Variants in SNX29 observed in about 807,000 individuals in gnomAD.
SNX29 encodes sorting nexin-29.
A neutral mutation model predicts 102.1 loss-of-function variants in SNX29; 78 were observed. The observed-to-expected ratio is 0.76, with a 90% CI of 0.64 to 0.92. The LOEUF (loss-of-function observed/expected upper bound fraction) is 0.92. Ranked by LOEUF, SNX29 falls within the 40% of genes least tolerant of loss-of-function variation. The pLI, the probability that SNX29 is intolerant of heterozygous loss-of-function variation, is 0.00. For synonymous variants in SNX29, 580 were observed against 414.5 expected (o/e 1.40, Z -4.85); for missense variants, 1,280 against 1,061.7 (o/e 1.21, Z -2.86).
intron 3 of SNX29, among the ~76,000 whole-genome samples, chr16:12,017,729 G>C (rs187624233): frequency 6.6e-6 from 1 of 151,404 alleles, no homozygotes; most frequent in African/African-American, 2.4e-5. Flanking sequence ...TTTGCATTAG[G>C]AATTTATCCT....
intron 18 of SNX29, among the ~76,000 whole-genome samples, chr16:12,404,265 T>C (rs1567529279): frequency 1.3e-5 from 2 of 152,150 alleles, no homozygotes; most frequent in African/African-American, 4.8e-5. Context: ...CAGGTGGGCA[T>C]TGAGTGTCTG....
intron 18 of SNX29, among the ~76,000 whole-genome samples, chr16:12,445,827 C>G (rs114526708): frequency 4.6e-5 from 7 of 152,090 alleles, no homozygotes; most frequent in Non-Finnish European, 1.0e-4. Flanking sequence ...CTCGGGACAA[C>G]GCTAGGAAGA....
intron 14 of SNX29, among the ~76,000 whole-genome samples, chr16:12,263,016 T>C (rs2078824989): frequency 6.6e-6 from 1 of 152,216 alleles, no homozygotes; most frequent in African/African-American, 2.4e-5. Flanking sequence ...CCAGATGAAC[T>C]GGATCAGAGC....
chr16:12,002,530 A>G (rs1165169997), intron 2 of SNX29, among the ~76,000 whole-genome samples: 1 of 151,808 alleles, frequency 6.6e-6, no homozygotes, highest in Non-Finnish European at 1.5e-5. Context: ...GATGACTCAT[A>G]TGAGGCTTGA....
At chr16:12,065,805 G>A (rs1245187556) in intron 9 of SNX29, among the ~76,000 whole-genome samples, 1 of 152,208 alleles carries the variant, frequency 6.6e-6, no homozygotes, top group Non-Finnish European at 1.5e-5. Context: ...ATGCAGGCCT[G>A]TATGCTAAAG....
chr16:11,994,208 A>G (rs899070980), intron 1 of SNX29, among the ~76,000 whole-genome samples: 1 of 152,220 alleles, frequency 6.6e-6, no homozygotes, highest in Non-Finnish European at 1.5e-5. Flanking sequence ...GAGTAGAGTT[A>G]GGGAGTGTCA....
intron 13 of SNX29, among the ~76,000 whole-genome samples, chr16:12,155,270 G>T (rs75550157): frequency 6.6e-6 from 1 of 152,228 alleles, no homozygotes; most frequent in African/African-American, 2.4e-5. Context: ...GCAGCTGAGT[G>T]TGCTCAGGTA....
rs144829612 is a variant in SNX29, at chr16:12,573,707, A to T, written c.*5078A>T. The T allele has an allele frequency of 3.4e-3, 749 of 223,502 alleles. 10 individuals carry two copies. Among genetic ancestry groups the T allele is most frequent in the African/African-American group, 0.016 (715 of 44,904 alleles). 13.8% of individuals were successfully genotyped at this position (223,502 alleles called of 1,614,324 possible). ...GCCCTTGCAAAAATTGGGACTGAGG[A>T]CAGTAGCACACGGAATGGTGGATCG... On this transcript the variant is annotated 3_prime_UTR_variant, in exon 21 of 21. Coordinates refer to ENST00000566228, the MANE Select transcript of SNX29 (RefSeq NM_032167.5).
chr16:12,215,374 C>T (rs1370078628), intron 14 of SNX29, among the ~76,000 whole-genome samples: 1 of 152,082 alleles, frequency 6.6e-6, no homozygotes, highest in Non-Finnish European at 1.5e-5. Context: ...CTAAAGTCCC[C>T]TCCATGCACT....
At chr16:12,170,086 AC>A (rs2076110411) in intron 13 of SNX29, among the ~76,000 whole-genome samples, 1 of 152,028 alleles carries the variant, frequency 6.6e-6, no homozygotes, top group African/African-American at 2.4e-5. Context: ...TGCACCTCTG[AC>A]TTCTAGATGC....
intron 19 of SNX29, among the ~76,000 whole-genome samples, chr16:12,498,060 A>G (rs1472485259): frequency 6.6e-6 from 1 of 152,228 alleles, no homozygotes; most frequent in Non-Finnish European, 1.5e-5. Flanking sequence ...GAAGGGAAAG[A>G]GAGACTGGGG....
intron 16 of SNX29, among the ~76,000 whole-genome samples, chr16:12,378,474 C>T (rs930733131): frequency 3.9e-5 from 6 of 152,242 alleles, no homozygotes; most frequent in Non-Finnish European, 1.5e-5. Flanking sequence ...ATATGGTGAA[C>T]CTTGTTTCTA....
chr16:12,037,596 T>TAG (rs2057512259), intron 4 of SNX29, among the ~76,000 whole-genome samples: 1 of 152,032 alleles, frequency 6.6e-6, no homozygotes, highest in African/African-American at 2.4e-5. Flanking sequence ...GAGGTTAGGA[T>TAG]AGTGCTGAAG....
chr16:12,325,274 T>G (rs1370582460), intron 15 of SNX29, among the ~76,000 whole-genome samples: 6 of 152,212 alleles, frequency 3.9e-5, no homozygotes, highest in Non-Finnish European at 8.8e-5. Flanking sequence ...CACAGACATT[T>G]ATTTGCATGG....
chr16:12,343,372 G>A (rs991918212), intron 15 of SNX29, among the ~76,000 whole-genome samples: 9 of 152,172 alleles, frequency 5.9e-5, no homozygotes, highest in Non-Finnish European at 1.2e-4. Context: ...ACCTATTCTC[G>A]GAGATAAAGA....
chr16:12,549,532 A>T (rs8052972), intron 20 of SNX29, among the ~76,000 whole-genome samples: 51 of 56,426 alleles, frequency 9.0e-4, no homozygotes, highest in African/African-American at 8.3e-3. Context: ...CTCTATCTCA[A>T]ATAGCCAGTA....
chr16:12,411,832 G>A (rs964030366), intron 18 of SNX29, among the ~76,000 whole-genome samples: 1 of 152,180 alleles, frequency 6.6e-6, no homozygotes, highest in African/African-American at 2.4e-5. Context: ...AAATGCTTGG[G>A]CCATAGCTAC....
intron 10 of SNX29, among the ~76,000 whole-genome samples, chr16:12,073,543 T>G (rs554971836): frequency 1.3e-5 from 2 of 152,044 alleles, no homozygotes; most frequent in South Asian, 4.2e-4. Flanking sequence ...GAGACTGTTA[T>G]AATTTCTGTT....
Position 11,976,993 on chromosome 16 carries a change from G to A in SNX29, c.7+180G>A, listed in dbSNP as rs540199431. ...GGCTCGTGGCCCCTGCTCACCTGCGGGTCTCTGATCTCCCGTGGCGGGGCA... is the reference window on the plus strand; with the variant it reads ...GGCTCGTGGCCCCTGCTCACCTGCGAGTCTCTGATCTCCCGTGGCGGGGCA... On this transcript the variant is annotated intron_variant, in intron 1 of 20. Transcript: ENST00000566228. The A allele has an allele frequency of 2.1e-5, 16 of 774,064 alleles. No homozygotes were observed. The South Asian group carries it at 8.0e-4, about 39-fold the overall frequency. 47.9% of individuals were successfully genotyped at this position (774,064 alleles called of 1,614,324 possible).
Sources: allele counts gnomAD v4.1 joint callset (sites outside exome capture counted in the v4.1 genomes callset), GRCh38; gene constraint gnomAD v4.1.1; transcripts MANE v1.5; gene names NCBI Gene and HGNC (gene_info 2026-07-23, HGNC 2026-07-21).